Variants in CACHD1 observed in about 807,000 individuals in gnomAD.
CACHD1 encodes the protein cache domain containing 1, also known as VWFA and cache domain-containing protein 1.
In CACHD1, 71 loss-of-function variants were observed where a neutral mutation model predicts 138.7. That is an observed-to-expected ratio of 0.51 (90% CI 0.42 to 0.62). The LOEUF (loss-of-function observed/expected upper bound fraction) is 0.62, where lower values mean the gene tolerates loss of function less well. CACHD1 is among the 20% of genes least tolerant of loss of function. The probability of loss-of-function intolerance (pLI) is 0.00; values close to 1 mark genes in which losing one functional copy is unlikely to be tolerated. For missense variants in CACHD1, 1,389 were observed against 1,625.3 expected (o/e 0.85, Z 2.50); for synonymous variants, 578 against 591.5 (o/e 0.98, Z 0.33).
intron 16 of CACHD1, among the ~76,000 whole-genome samples, chr1:64,667,653 TA>T (rs1353695580): frequency 8.5e-5 from 13 of 152,210 alleles, no homozygotes; most frequent in Non-Finnish European, 1.5e-4. Flanking sequence ...TGAGAAAAAG[TA>T]AACAAAGACT....
At chr1:64,513,922 CA>C (rs1170752088) in intron 1 of CACHD1, among the ~76,000 whole-genome samples, 1 of 152,128 alleles carries the variant, frequency 6.6e-6, no homozygotes, top group Non-Finnish European at 1.5e-5. Context: ...AAAACAACAA[CA>C]TGTGTGAGTC....
intron 1 of CACHD1, among the ~76,000 whole-genome samples, chr1:64,495,228 A>T (rs1646299295): frequency 6.6e-6 from 1 of 152,152 alleles, no homozygotes; most frequent in Non-Finnish European, 1.5e-5. Context: ...TTAATTTGAA[A>T]ACTGGAAATG....
intron 1 of CACHD1, among the ~76,000 whole-genome samples, chr1:64,543,067 TA>T (rs1245757703): frequency 2.0e-5 from 3 of 152,002 alleles, no homozygotes; most frequent in Admixed American, 6.6e-5. Flanking sequence ...ATATTAACAA[TA>T]AATTTTTTAT....
intron 4 of CACHD1, among the ~76,000 whole-genome samples, chr1:64,605,690 G>C (rs1647314295): frequency 6.6e-6 from 1 of 152,184 alleles, no homozygotes; most frequent in African/African-American, 2.4e-5. Flanking sequence ...CCCCTGCCAA[G>C]ACCACCCACA....
chr1:64,504,097 T>C (rs1646354438), intron 1 of CACHD1, among the ~76,000 whole-genome samples: 1 of 152,206 alleles, frequency 6.6e-6, no homozygotes, highest in Non-Finnish European at 1.5e-5. Context: ...GGTGCAATTA[T>C]GGCTCACTGT....
At chr1:64,510,608 G>C (rs1213111589) in intron 1 of CACHD1, among the ~76,000 whole-genome samples, 1 of 152,106 alleles carries the variant, frequency 6.6e-6, no homozygotes, top group Non-Finnish European at 1.5e-5. Context: ...CTCTTGTTGT[G>C]TTTCTAGTGT....
intron 3 of CACHD1, among the ~76,000 whole-genome samples, chr1:64,601,414 A>C (rs1398210944): frequency 2.0e-5 from 3 of 152,150 alleles, no homozygotes; most frequent in African/African-American, 7.2e-5. Flanking sequence ...GTCTAGACAA[A>C]CTGGAGCAGG....
chr1:64,622,548 C>T (rs1647952282), intron 4 of CACHD1, among the ~76,000 whole-genome samples: 1 of 152,082 alleles, frequency 6.6e-6, no homozygotes, highest in Admixed American at 6.6e-5. Context: ...TTGAGAAACC[C>T]CTGCATGTTT....
intron 2 of CACHD1, among the ~76,000 whole-genome samples, chr1:64,581,006 G>C (rs987967836): frequency 6.6e-6 from 1 of 152,106 alleles, no homozygotes; most frequent in Non-Finnish European, 1.5e-5. Context: ...CTTTGAAAAT[G>C]ATAAAATGAA....
intron 6 of CACHD1, among the ~76,000 whole-genome samples, chr1:64,633,482 A>G (rs1027519676): frequency 6.6e-6 from 1 of 152,124 alleles, no homozygotes; most frequent in Non-Finnish European, 1.5e-5. Context: ...ATGCTGATGG[A>G]TGGCTGAACT....
At chr1:64,690,524 T>G (rs1650512465) in intron 26 of CACHD1, among the ~76,000 whole-genome samples, 1 of 152,196 alleles carries the variant, frequency 6.6e-6, no homozygotes, top group Non-Finnish European at 1.5e-5. Context: ...TTGAAACATG[T>G]ATTACTTAGA....
intron 7 of CACHD1, 36 bp downstream of exon 7, chr1:64,634,296 T>C (rs1349439301): frequency 1.3e-5 from 18 of 1,426,756 alleles, no homozygotes; most frequent in Middle Eastern, 1.8e-4. Context: ...AGAGGCATAG[T>C]AGATAAAGAT....
chr1:64,577,321 GAAT>G (rs887728555), intron 2 of CACHD1, among the ~76,000 whole-genome samples: 2 of 152,074 alleles, frequency 1.3e-5, no homozygotes, highest in African/African-American at 4.8e-5. Context: ...GAATTTTGAA[GAAT>G]ATTATTAGAA....
intron 26 of CACHD1, among the ~76,000 whole-genome samples, chr1:64,688,200 G>T (rs1024881845): frequency 6.6e-6 from 1 of 152,060 alleles, no homozygotes; most frequent in African/African-American, 2.4e-5. Context: ...AATGAGCAGA[G>T]ACGGGAAGCT....
intron 24 of CACHD1, 114 bp downstream of exon 24, chr1:64,679,870 G>A: frequency 8.1e-7 from 1 of 1,233,914 alleles, no homozygotes; most frequent in East Asian, 2.6e-5. Flanking sequence ...CAGCTTCTGT[G>A]GAGTCATTTT....
intron 1 of CACHD1, among the ~76,000 whole-genome samples, chr1:64,547,206 A>G (rs746545669): frequency 4.6e-5 from 7 of 152,190 alleles, no homozygotes; most frequent in Non-Finnish European, 7.3e-5. Flanking sequence ...ATTTATGTGA[A>G]ATTGTAAAGT....
intron 4 of CACHD1, among the ~76,000 whole-genome samples, chr1:64,621,928 A>G (rs1190948464): frequency 6.6e-6 from 1 of 152,196 alleles, no homozygotes; most frequent in Non-Finnish European, 1.5e-5. Flanking sequence ...AAGCCTTTGG[A>G]TGCTATATAT....
At chr1:64,472,869 C>G (rs903332764) in intron 1 of CACHD1, among the ~76,000 whole-genome samples, 4 of 151,590 alleles carry the variant, frequency 2.6e-5, no homozygotes, top group African/African-American at 9.7e-5. Flanking sequence ...CGCCCCCCCA[C>G]GCCTTTTCCT....
Position 64,634,096 on chromosome 1 carries a change from G to A in CACHD1, c.842G>A (p.Cys281Tyr), listed in dbSNP as rs1410490719. The part of the protein sequence containing the change: ...DTVRTCSLDQ[C>Y]YKTFLSPATS... ...GTCCGGACTTGCTCACTAGACCAGT[G>A]CTATAAGACCTTCTTGTCTCCAGCC... The change falls in exon 7 of 27, where the codon TGC becomes TAC. Residue 281 changes from cysteine (C) to tyrosine (Y), a missense_variant. Cys to Tyr is a radical substitution (Grantham distance 194, BLOSUM62 -2). Around this residue, in one of 5 missense-constraint regions of CACHD1, gnomAD observed 1,000 missense variants for 1,114.7 expected, o/e 0.90. Transcript: ENST00000651257. 1 of 1,612,230 alleles carries A rather than the reference G, an allele frequency of 6.2e-7. No individual in the cohort carries two copies. Among genetic ancestry groups the A allele is most frequent in the African/African-American group, 1.3e-5 (1 of 74,294 alleles).
Sources: allele counts gnomAD v4.1 joint callset (sites outside exome capture counted in the v4.1 genomes callset), GRCh38; gene constraint gnomAD v4.1.1; regional missense constraint gnomAD v4.1.1; transcripts MANE v1.5; gene names NCBI Gene and HGNC (gene_info 2026-07-23, HGNC 2026-07-21).